The following MICU3 variants were observed in gnomAD, a reference collection of about 807,000 sequenced individuals.
MICU3 encodes mitochondrial calcium uptake 3.
In MICU3, 62 loss-of-function variants were observed where a neutral mutation model predicts 66.5. The observed-to-expected ratio is 0.93, with a 90% confidence interval of 0.76 to 1.15. The LOEUF is 1.15. MICU3 is among the 50% of genes most tolerant of loss of function. The pLI is 0.00. For synonymous variants in MICU3, 308 were observed against 240.7 expected, an observed-to-expected ratio of 1.28 and a Z score of -2.59; for missense variants, 779 against 664.4, an observed-to-expected ratio of 1.17 and a Z score of -1.90.
chr8:17,136,053 G>C, the MICU3 span, among the ~76,000 whole-genome samples: 1 of 152,006 alleles, frequency 6.6e-6, no homozygotes, highest in Non-Finnish European at 1.5e-5. Flanking sequence ...ACATAGTTGA[G>C]ATAATTCACA....
At chr8:17,033,290 T>G (rs1464916325) in intron 1 of MICU3, among the ~76,000 whole-genome samples, 1 of 152,168 alleles carries the variant, frequency 6.6e-6, no homozygotes, top group Admixed American at 6.5e-5. Flanking sequence ...TGAAGGAAAT[T>G]AAAAGTGCTC....
At position 17,069,680 on chromosome 8, in the gene MICU3, T is replaced by A; in HGVS notation, c.536-8T>A. 6.6e-7 allele frequency: 1 copy of A among 1,514,098 alleles called. No homozygotes were observed. 93.8% of individuals were successfully genotyped at this position (1,514,098 alleles called of 1,614,324 possible). A position where few individuals can be genotyped will look rare whatever the true frequency, so the allele number is the denominator to read the frequency against. On this transcript the variant is annotated splice_region_variant and splice_polypyrimidine_tract_variant and intron_variant, in intron 2 of 14. Coordinates refer to ENST00000318063, the MANE Select transcript of MICU3 (RefSeq NM_181723.3). Reference sequence around the variant, plus strand: ...ATTATCTAATTATCTTACATTTGTTTATTTTAGTTGCCAAAACTTGGAAGT... The same window carrying A: ...ATTATCTAATTATCTTACATTTGTTAATTTTAGTTGCCAAAACTTGGAAGT...
At chr8:17,060,760 C>A (rs182850362) in intron 1 of MICU3, among the ~76,000 whole-genome samples, 1 of 151,532 alleles carries the variant, frequency 6.6e-6, no homozygotes, top group Non-Finnish European at 1.5e-5. Context: ...CACCAGGCCT[C>A]TGGTTATCTC....
chr8:17,128,980 C>G, the MICU3 span, among the ~76,000 whole-genome samples: 6 of 152,138 alleles, frequency 3.9e-5, no homozygotes, highest in Non-Finnish European at 8.8e-5. Context: ...ACTGGAGGTC[C>G]CATAGTGCTG....
At chr8:17,069,930 A>G (rs949266137) in intron 3 of MICU3, among the ~76,000 whole-genome samples, 1 of 152,054 alleles carries the variant, frequency 6.6e-6, no homozygotes, top group Non-Finnish European at 1.5e-5. Flanking sequence ...GTGAAAATGT[A>G]GATTACTGGT....
intron 1 of MICU3, among the ~76,000 whole-genome samples, chr8:17,049,808 T>A (rs2014301): frequency 0.15 from 22,474 of 152,252 alleles, 2,195 homozygotes; most frequent in East Asian, 0.38. Flanking sequence ...ATAATATATG[T>A]CTGCTTGCCT....
intron 1 of MICU3, among the ~76,000 whole-genome samples, chr8:17,031,262 T>TTTTTTTTTATTATTATTATTATTA (rs111800861): frequency 7.9e-5 from 11 of 139,194 alleles, no homozygotes; most frequent in African/African-American, 3.0e-4. Flanking sequence ...TGCCACTTCA[T>TTTTTTTTTATTATTATTATTATTA]TTATTATTAT....
At chr8:17,117,098 C>G (rs1259308212) in intron 13 of MICU3, among the ~76,000 whole-genome samples, 1 of 152,140 alleles carries the variant, frequency 6.6e-6, no homozygotes, top group Non-Finnish European at 1.5e-5. Flanking sequence ...CTGCCTCAGC[C>G]TCCCAAGTAG....
chr8:17,123,293 C>G (rs1015702232), downstream of MICU3, among the ~76,000 whole-genome samples: 1 of 151,926 alleles, frequency 6.6e-6, no homozygotes, highest in Non-Finnish European at 1.5e-5. Context: ...GAGGAATATA[C>G]CTATAATTGT....
intron 1 of MICU3, among the ~76,000 whole-genome samples, chr8:17,046,074 C>G (rs1815025060): frequency 6.6e-6 from 1 of 152,190 alleles, no homozygotes; most frequent in Admixed American, 6.5e-5. Context: ...GTAAGTGTTT[C>G]CCTGAGTTCT....
intron 12 of MICU3, among the ~76,000 whole-genome samples, chr8:17,116,164 A>C (rs1802658355): frequency 6.6e-6 from 1 of 152,164 alleles, no homozygotes; most frequent in Non-Finnish European, 1.5e-5. Context: ...TATTCATCTT[A>C]CTAACTTCTA....
the MICU3 span, among the ~76,000 whole-genome samples, chr8:17,137,917 A>G: frequency 1.3e-5 from 2 of 151,594 alleles, no homozygotes; most frequent in Non-Finnish European, 2.9e-5. Flanking sequence ...GGGTTTCACC[A>G]TATTGGCCGG....
At chr8:17,033,025 T>G (rs1812358082) in intron 1 of MICU3, among the ~76,000 whole-genome samples, 1 of 152,176 alleles carries the variant, frequency 6.6e-6, no homozygotes, top group South Asian at 2.1e-4. Flanking sequence ...AACCAGCTTT[T>G]CCCTAGTCTC....
intron 11 of MICU3, among the ~76,000 whole-genome samples, chr8:17,110,470 G>A (rs961116581): frequency 4.6e-5 from 7 of 152,004 alleles, no homozygotes; most frequent in Admixed American, 4.6e-4. Context: ...TTCTGTCTCT[G>A]TGGATTTACT....
At position 17,122,359 on chromosome 8, in the gene MICU3, G is replaced by A. The variant is rs577938687; in HGVS notation, c.*2072G>A. 6.6e-6 allele frequency: 1 copy of A among 151,828 alleles called. No homozygotes were observed. The highest frequency in any genetic ancestry group is 6.6e-5 in the Admixed American group (1 of 15,252). The allele number at this position is 151,828 out of a possible 1,614,324, so 9.4% of individuals were successfully genotyped here. A position where few individuals can be genotyped will look rare whatever the true frequency, so the allele number is the denominator to read the frequency against. ...TATATCAATTTAAAATTTGCTAGTG[G>A]TTTGAAAATAATAATGTACTGACTA... On this transcript the variant is annotated 3_prime_UTR_variant, in exon 15 of 15. Coordinates refer to ENST00000318063, the MANE Select transcript of MICU3 (RefSeq NM_181723.3).
chr8:17,039,050 G>A (rs1359535906), intron 1 of MICU3, among the ~76,000 whole-genome samples: 1 of 152,044 alleles, frequency 6.6e-6, no homozygotes. Context: ...TCAGTTAGTA[G>A]CCATCAACAT....
intron 13 of MICU3, 139 bp downstream of exon 13, chr8:17,116,739 G>A (rs1482842369): frequency 5.1e-6 from 3 of 590,006 alleles, no homozygotes; most frequent in Admixed American, 4.1e-5. Flanking sequence ...AAAAACATAG[G>A]CCTTACTTCC....
intron 7 of MICU3, among the ~76,000 whole-genome samples, chr8:17,088,212 C>T (rs929305763): frequency 4.4e-4 from 67 of 152,012 alleles, no homozygotes; most frequent in African/African-American, 1.5e-3. Flanking sequence ...TTGAACATCC[C>T]TCAGTATACT....
At chr8:17,132,572 TCA>T in the MICU3 span, 1 of 152,212 alleles carries the variant, frequency 6.6e-6, no homozygotes, top group African/African-American at 2.4e-5. Context: ...GCAATAGGGA[TCA>T]GTCACTCCAC....
Sources: allele counts gnomAD v4.1 joint callset (sites outside exome capture counted in the v4.1 genomes callset), GRCh38; gene constraint gnomAD v4.1.1; transcripts MANE v1.5; gene names NCBI Gene and HGNC (gene_info 2026-07-23, HGNC 2026-07-21).